TMEM116: variants seen among roughly 807,000 people sequenced by gnomAD.
TMEM116 encodes transmembrane protein 116.
In TMEM116, 38 loss-of-function variants were observed where a neutral mutation model predicts 44.3. The observed-to-expected ratio is 0.86, with a 90% CI of 0.66 to 1.12. The LOEUF (loss-of-function observed/expected upper bound fraction) is 1.12. Ranked by LOEUF, TMEM116 falls within the 50% of genes most tolerant of loss-of-function variation. The pLI is 0.00. For synonymous variants in TMEM116, 132 were observed against 144.8 expected, an observed-to-expected ratio of 0.91 and a Z score of 0.64; for missense variants, 354 against 401.7, an observed-to-expected ratio of 0.88 and a Z score of 1.01.
chr12:111,947,219 T>G (rs1941371150), intron 4 of TMEM116, among the ~76,000 whole-genome samples: 1 of 151,850 alleles, frequency 6.6e-6, no homozygotes, highest in African/African-American at 2.4e-5. Context: ...GTCACTCTGG[T>G]TAAATAAATG....
At chr12:111,995,837 A>T (rs946783951) in intron 3 of TMEM116, among the ~76,000 whole-genome samples, 1 of 151,548 alleles carries the variant, frequency 6.6e-6, no homozygotes, top group Non-Finnish European at 1.5e-5. Flanking sequence ...TCAAGACCAG[A>T]CTGGGAAACA....
intron 3 of TMEM116, among the ~76,000 whole-genome samples, chr12:112,002,238 G>GGATCAGGA (rs1300084506): frequency 1.3e-5 from 2 of 151,934 alleles, no homozygotes; most frequent in Non-Finnish European, 2.9e-5. Context: ...CCAGGCAGGT[G>GGATCAGGA]GATCAGGAGA....
At chr12:111,940,531 A>ATATATATATACACACATATATATGTG (rs1565874101) in intron 5 of TMEM116, among the ~76,000 whole-genome samples, 2 of 116,662 alleles carry the variant, frequency 1.7e-5, no homozygotes, top group African/African-American at 4.5e-5. Context: ...GTGTATATAT[A>ATATATATATACACACATATATATGTG]TATATATATA....
At chr12:111,952,102 G>A (rs181561169) in intron 4 of TMEM116, among the ~76,000 whole-genome samples, 22 of 152,176 alleles carry the variant, frequency 1.4e-4, no homozygotes, top group East Asian at 3.9e-4. Context: ...GGTGGCATGC[G>A]CCTGTAATCC....
In TMEM116 at chr12:111,933,940, CA is replaced by C; in HGVS notation, c.678del (p.Ile226MetfsTer23). The C allele has an allele frequency of 6.2e-7, 1 of 1,614,144 alleles. No individual in the cohort carries two copies. The highest frequency in any genetic ancestry group is 8.5e-7 in the Non-Finnish European group (1 of 1,180,042). ...GGGTAGAAGCGCACCCGTTGGTCCA[CA>C]ATGTGAATCACTGCCCACTGTTCAC... ...LGSEQWAVIH[I>X]VDQRVRFYPV... is the part of the protein sequence containing the mutation. On this transcript the variant is annotated frameshift_variant, in exon 9 of 11. Transcript: ENST00000552374. LOFTEE classifies it high-confidence loss of function.
At chr12:111,946,447 A>G (rs2073285295) in intron 4 of TMEM116, among the ~76,000 whole-genome samples, 1 of 152,244 alleles carries the variant, frequency 6.6e-6, no homozygotes, top group African/African-American at 2.4e-5. Flanking sequence ...GGGCCAAAAC[A>G]AAGAGATGGG....
chr12:111,957,602 C>T (rs1228123969), intron 4 of TMEM116, among the ~76,000 whole-genome samples: 22 of 151,672 alleles, frequency 1.5e-4, no homozygotes, highest in Admixed American at 1.0e-3. Flanking sequence ...CCCGGCCAGC[C>T]GCCCCGTCCG....
intron 4 of TMEM116, among the ~76,000 whole-genome samples, chr12:111,979,337 AT>A (rs2075829880): frequency 6.6e-6 from 1 of 152,136 alleles, no homozygotes; most frequent in African/African-American, 2.4e-5. Flanking sequence ...ATATCCTACA[AT>A]GTGGATGAAA....
chr12:111,979,861 A>G (rs2075853017), intron 4 of TMEM116, among the ~76,000 whole-genome samples: 1 of 152,240 alleles, frequency 6.6e-6, no homozygotes, highest in Non-Finnish European at 1.5e-5. Flanking sequence ...GTCATTAGAG[A>G]GCTGAAAATT....
At chr12:112,010,153 C>T (rs752560460) in intron 1 of TMEM116, among the ~76,000 whole-genome samples, 1 of 152,184 alleles carries the variant, frequency 6.6e-6, no homozygotes, top group African/African-American at 2.4e-5. Flanking sequence ...TGTTCATTCC[C>T]GTATCTGCTC....
At chr12:111,966,475 G>C (rs998190950) in intron 4 of TMEM116, among the ~76,000 whole-genome samples, 1 of 152,106 alleles carries the variant, frequency 6.6e-6, no homozygotes, top group African/African-American at 2.4e-5. Context: ...ATACAGTCTA[G>C]ACAAGAAAAT....
At chr12:111,956,145 C>A (rs2074070808) in intron 4 of TMEM116, among the ~76,000 whole-genome samples, 1 of 152,214 alleles carries the variant, frequency 6.6e-6, no homozygotes, top group South Asian at 2.1e-4. Flanking sequence ...CGTGCTCCAG[C>A]TGTACTGATC....
At chr12:112,001,399 G>A (rs2077247414) in intron 3 of TMEM116, among the ~76,000 whole-genome samples, 1 of 152,034 alleles carries the variant, frequency 6.6e-6, no homozygotes, top group Admixed American at 6.5e-5. Context: ...CTGCAGCCTT[G>A]AACTCCTGTG....
chr12:111,932,806 G>A (rs1289523970), intron 9 of TMEM116, 147 bp from the exon 10 acceptor site: 2 of 661,412 alleles, frequency 3.0e-6, no homozygotes, highest in African/African-American at 1.8e-5. Context: ...GCAAACCAAT[G>A]AGTCTTAGGC....
chr12:111,991,607 G>T, intron 4 of TMEM116, 151 bp downstream of exon 4: 1 of 680,470 alleles, frequency 1.5e-6, no homozygotes, highest in Non-Finnish European at 2.2e-6. Context: ...ATAATATAGT[G>T]TTTTTAATAT....
At chr12:111,957,960 A>G (rs2074277643) in intron 4 of TMEM116, among the ~76,000 whole-genome samples, 1 of 152,208 alleles carries the variant, frequency 6.6e-6, no homozygotes. Flanking sequence ...GATGCTGTTA[A>G]TCTATAACCT....
chr12:111,936,503 T>C, intron 8 of TMEM116, 189 bp downstream of exon 8: 1 of 556,714 alleles, frequency 1.8e-6, no homozygotes, highest in South Asian at 3.0e-5. Context: ...TTCTCTCTCT[T>C]ATCATTTGAT....
chr12:111,950,914 A>G (rs1026206483), intron 4 of TMEM116, among the ~76,000 whole-genome samples: 1 of 152,226 alleles, frequency 6.6e-6, no homozygotes, highest in African/African-American at 2.4e-5. Context: ...AAAGAAAGAA[A>G]ATTCTTGCAA....
At chr12:112,005,768 A>C in intron 1 of TMEM116, 1 of 946,880 alleles carries the variant, frequency 1.1e-6, no homozygotes, top group Non-Finnish European at 1.3e-6. Context: ...TGGAAAGAAT[A>C]GGTAACAGAA....
Sources: gnomAD v4.1 joint callset for allele counts (sites outside exome capture counted in the v4.1 genomes callset) on GRCh38, gnomAD v4.1.1 for gene constraint, MANE v1.5 for transcripts, NCBI Gene and HGNC (gene_info 2026-07-23, HGNC 2026-07-21) for gene names.